CEP170: variants seen among roughly 807,000 people sequenced by gnomAD.
CEP170 encodes the protein centrosomal protein of 170 kDa.
Under a neutral mutation model 151.9 loss-of-function variants are expected in CEP170, and 21 were observed. That is an observed-to-expected ratio of 0.14 (90% CI 0.10 to 0.20). CEP170 has a LOEUF of 0.20. Among genes scored for constraint, CEP170 ranks in the 10% least tolerant of loss-of-function variants. CEP170 has a pLI of 1.00. For synonymous variants in CEP170, 356 were observed against 648.8 expected, an observed-to-expected ratio of 0.55 and a Z score of 6.86; for missense variants, 964 against 1,892.9, an observed-to-expected ratio of 0.51 and a Z score of 9.11.
intron 10 of CEP170, among the ~76,000 whole-genome samples, chr1:243,176,471 G>A (rs2059263242): frequency 2.5e-5 from 1 of 39,934 alleles, no homozygotes; most frequent in African/African-American, 6.4e-5. Context: ...CAGTTCCCCC[G>A]ATCCGAGTAG....
chr1:243,215,380 G>A (rs2148938603), intron 3 of CEP170, among the ~76,000 whole-genome samples: 1 of 152,306 alleles, frequency 6.6e-6, no homozygotes, highest in East Asian at 1.9e-4. Context: ...TCTTTCAAAA[G>A]CGAATAGGAG....
intron 1 of CEP170, among the ~76,000 whole-genome samples, chr1:243,239,143 C>T (rs753333537): frequency 1.3e-5 from 2 of 152,166 alleles, no homozygotes; most frequent in Non-Finnish European, 2.9e-5. Flanking sequence ...ATTTCCAGTT[C>T]AAGGTCCTCC....
At chr1:243,149,770 G>A (rs1414860025) in intron 14 of CEP170, among the ~76,000 whole-genome samples, 1 of 152,074 alleles carries the variant, frequency 6.6e-6, no homozygotes, top group Admixed American at 6.5e-5. Flanking sequence ...ACACAGAAAA[G>A]CATTATATTA....
chr1:243,234,086 A>G (rs530913979), intron 1 of CEP170, among the ~76,000 whole-genome samples: 58 of 152,216 alleles, frequency 3.8e-4, no homozygotes, highest in Non-Finnish European at 6.8e-4. Flanking sequence ...TGGCTGATTC[A>G]TCACCAGATG....
intron 17 of CEP170, among the ~76,000 whole-genome samples, chr1:243,130,559 C>G (rs1302856103): frequency 2.0e-5 from 3 of 152,194 alleles, no homozygotes; most frequent in African/African-American, 4.8e-5. Context: ...GATGTAAATA[C>G]TAGCTACTTT....
chr1:243,250,318 C>A (rs2065824299), intron 1 of CEP170, among the ~76,000 whole-genome samples: 1 of 152,170 alleles, frequency 6.6e-6, no homozygotes, highest in Admixed American at 6.5e-5. Context: ...GAAAGCTAAT[C>A]CCTTGGATGA....
At chr1:243,236,987 T>A (rs924000688) in intron 1 of CEP170, among the ~76,000 whole-genome samples, 3 of 152,226 alleles carry the variant, frequency 2.0e-5, no homozygotes, top group African/African-American at 7.2e-5. Flanking sequence ...TGATTCACTA[T>A]ACATTAACTA....
chr1:243,209,808 G>A (rs966882313), intron 4 of CEP170, among the ~76,000 whole-genome samples: 35 of 151,756 alleles, frequency 2.3e-4, no homozygotes, highest in African/African-American at 7.7e-4. Context: ...GTGGGAGGTA[G>A]GAGCCTCCTG....
chr1:243,245,367 C>T (rs1253484868), intron 1 of CEP170, among the ~76,000 whole-genome samples: 1 of 151,766 alleles, frequency 6.6e-6, no homozygotes, highest in Non-Finnish European at 1.5e-5. Context: ...ACTGCTAGAG[C>T]CCAGGAGTTT....
intron 8 of CEP170, among the ~76,000 whole-genome samples, chr1:243,187,059 C>G (rs1347030187): frequency 2.6e-5 from 4 of 152,172 alleles, no homozygotes; most frequent in Non-Finnish European, 5.9e-5. Context: ...ACTCCAAACT[C>G]TAGTGGCTTC....
In CEP170 at chr1:243,165,916, T is replaced by C. The variant is rs761814356; in HGVS notation, c.2044A>G (p.Thr682Ala). Residue 682 changes from threonine (T) to alanine (A), a missense_variant, in exon 13 of 20, where the codon ACA (threonine) becomes GCA (alanine). Coordinates refer to ENST00000366542, the MANE Select transcript of CEP170 (RefSeq NM_014812.3). ...KQDTELQEKETPTQVYQKDKQ... is the reference protein window; with the variant it reads ...KQDTELQEKEAPTQVYQKDKQ... ...TCTTTCTGGTATACCTGTGTAGGTGTTTCTTTCTCCTGAAGTTCTGTGTCT... is the reference window on the plus strand; with the variant it reads ...TCTTTCTGGTATACCTGTGTAGGTGCTTCTTTCTCCTGAAGTTCTGTGTCT... 1.9e-5 allele frequency: 30 copies of C among 1,613,700 alleles called. No individual in the cohort carries two copies. Among genetic ancestry groups the C allele is most frequent in the Non-Finnish European group, 2.4e-5 (28 of 1,179,732 alleles).
intron 4 of CEP170, chr1:243,211,657 TAG>T (rs995082278): frequency 8.5e-4 from 383 of 452,124 alleles, no homozygotes; most frequent in East Asian, 1.4e-3. Flanking sequence ...ACTACATAAA[TAG>T]AGAGAGAGAG....
rs142946375 is a variant in CEP170 at position 243,146,199 on chromosome 1, A to G, written c.3912-3736T>C. On this transcript the variant is annotated intron_variant, in intron 14 of 19. Coordinates refer to ENST00000366542, the MANE Select transcript of CEP170 (RefSeq NM_014812.3). ...TAAATTATGAACTCGTTTGGAACAC[A>G]GGCTCTGTGTTTTAGGTTTATTTGC... is the stretch of plus-strand genomic sequence containing the variant. Among the ~76,000 whole-genome samples the G allele has an allele frequency of 8.6e-3, 1,314 of 152,228 alleles. 23 individuals carry two copies. The highest frequency in any genetic ancestry group is 0.03 in the African/African-American group (1,252 of 41,498).
chr1:243,210,131 A>G (rs550771469), intron 4 of CEP170, among the ~76,000 whole-genome samples: 136 of 152,244 alleles, frequency 8.9e-4, no homozygotes, highest in Non-Finnish European at 1.5e-3. Flanking sequence ...TTAGACAGAC[A>G]TATTATGAGC....
At chr1:243,232,912 T>G (rs541557671) in intron 1 of CEP170, among the ~76,000 whole-genome samples, 13 of 152,354 alleles carry the variant, frequency 8.5e-5, no homozygotes, top group Admixed American at 4.6e-4. Flanking sequence ...ATGTTTCATC[T>G]ACAGTGAGCA....
intron 13 of CEP170, among the ~76,000 whole-genome samples, chr1:243,162,994 C>A (rs2058182211): frequency 6.6e-6 from 1 of 152,080 alleles, no homozygotes; most frequent in African/African-American, 2.4e-5. Flanking sequence ...TTTTTGGAAT[C>A]ATGATTATAT....
chr1:243,216,885 C>T (rs1008992371), intron 3 of CEP170, among the ~76,000 whole-genome samples: 2 of 152,190 alleles, frequency 1.3e-5, no homozygotes, highest in Non-Finnish European at 2.9e-5. Flanking sequence ...TGTTTTAAAA[C>T]TTATGTCTTG....
chr1:243,131,521 A>G (rs1254678964), intron 17 of CEP170, among the ~76,000 whole-genome samples: 2 of 152,040 alleles, frequency 1.3e-5, no homozygotes, highest in East Asian at 3.9e-4. Context: ...AAAAACAAAA[A>G]ACAATTTGTA....
intron 1 of CEP170, among the ~76,000 whole-genome samples, chr1:243,242,759 G>A (rs1207342771): frequency 6.6e-6 from 1 of 151,848 alleles, no homozygotes; most frequent in African/African-American, 2.4e-5. Flanking sequence ...GGAGTGCAGT[G>A]GCGCAATCTC....
Sources: allele counts gnomAD v4.1 joint callset (sites outside exome capture counted in the v4.1 genomes callset), GRCh38; gene constraint gnomAD v4.1.1; transcripts MANE v1.5; gene names NCBI Gene and HGNC (gene_info 2026-07-23, HGNC 2026-07-21).